MAN1A1: variants seen among roughly 807,000 people sequenced by gnomAD.
The protein encoded by MAN1A1 is mannosyl-oligosaccharide 1,2-alpha-mannosidase IA.
Under a neutral mutation model 70.8 loss-of-function variants are expected in MAN1A1, and 29 were observed. The ratio of observed to expected loss-of-function variants is 0.41; its 90% CI spans 0.31 to 0.56. The LOEUF (loss-of-function observed/expected upper bound fraction) is 0.56, where lower values mean the gene tolerates loss of function less well. MAN1A1 is among the 20% of genes least tolerant of loss of function. The probability of loss-of-function intolerance (pLI) is 0.29; values close to 1 mark genes in which losing one functional copy is unlikely to be tolerated. For missense variants in MAN1A1, 747 were observed against 841.3 expected, an observed-to-expected ratio of 0.89 and a Z score of 1.39; for synonymous variants, 349 against 330.1, an observed-to-expected ratio of 1.06 and a Z score of -0.62.
rs1467457108 is a variant in MAN1A1, at chr6:119,177,773, C to A, written c.*2046G>T. The A allele has an allele frequency of 6.6e-6, 1 of 151,988 alleles. No individual in the cohort carries two copies. Among genetic ancestry groups the A allele is most frequent in the Non-Finnish European group, 1.5e-5 (1 of 67,916 alleles). 9.4% of individuals were successfully genotyped at this position (151,988 alleles called of 1,614,324 possible). A position where few individuals can be genotyped will look rare whatever the true frequency, so the allele number is the denominator to read the frequency against. On this transcript the variant is annotated 3_prime_UTR_variant, in exon 13 of 13. Transcript: ENST00000368468. ...TAGTACAGCTTCTTGTCTATTCACA[C>A]CAGGACACCAAGGTACCTCATAGTG...
At chr6:119,311,235 T>C (rs892621376) in intron 2 of MAN1A1, among the ~76,000 whole-genome samples, 1 of 152,262 alleles carries the variant, frequency 6.6e-6, no homozygotes, top group African/African-American at 2.4e-5. Context: ...AACCTAAGAA[T>C]GTCTGTGATC....
intron 2 of MAN1A1, among the ~76,000 whole-genome samples, chr6:119,341,589 G>C (rs195083): frequency 0.55 from 82,953 of 151,918 alleles, 22,907 homozygotes; most frequent in Admixed American, 0.59. Context: ...CAATGTGAAG[G>C]TCTCAAAAAG....
At chr6:119,251,195 T>A (rs920063500) in intron 5 of MAN1A1, among the ~76,000 whole-genome samples, 5 of 152,228 alleles carry the variant, frequency 3.3e-5, no homozygotes, top group African/African-American at 1.2e-4. Flanking sequence ...TCCATTAATC[T>A]GTATTTACGT....
At chr6:119,189,917 A>G in intron 9 of MAN1A1, 34 bp from the exon 10 acceptor site, 1 of 1,501,972 alleles carries the variant, frequency 6.7e-7, no homozygotes, top group African/African-American at 1.4e-5. Flanking sequence ...ACATTTTGTA[A>G]TCTCTTCTCA....
At chr6:119,247,937 A>ATTTG (rs1361538873) in intron 6 of MAN1A1, among the ~76,000 whole-genome samples, 2 of 152,252 alleles carry the variant, frequency 1.3e-5, no homozygotes, top group Non-Finnish European at 2.9e-5. Flanking sequence ...CTTTGATGAC[A>ATTTG]ATTAAAAGAT....
rs551333576 is a variant in MAN1A1 at position 119,267,268 on chromosome 6, A to G, written c.898-18914T>C. ...TAACGAACTGAAAATTTATGACCAT[A>G]CAAAAAACTGGACAGATGTTTACAG... is the stretch of plus-strand genomic sequence containing the variant. On this transcript the variant is annotated intron_variant, in intron 5 of 12. Coordinates refer to ENST00000368468, the MANE Select transcript of MAN1A1 (RefSeq NM_005907.4). Among the ~76,000 whole-genome samples the G allele has an allele frequency of 5.3e-5, 8 of 152,344 alleles. No individual in the cohort carries two copies. In the South Asian group the frequency reaches 1.7e-3, roughly 32 times the overall value.
intron 6 of MAN1A1, among the ~76,000 whole-genome samples, chr6:119,228,603 AT>A (rs760587170): frequency 1.4e-4 from 21 of 151,842 alleles, no homozygotes; most frequent in African/African-American, 4.6e-4. Context: ...TTAGAAAACT[AT>A]TTTTTTTAAA....
chr6:119,340,732 C>T (rs1562249094), intron 2 of MAN1A1, among the ~76,000 whole-genome samples: 1 of 152,192 alleles, frequency 6.6e-6, no homozygotes, highest in Non-Finnish European at 1.5e-5. Context: ...TGCCCTCTCT[C>T]ATACTAAGTT....
At chr6:119,216,490 G>A (rs1244958725) in intron 6 of MAN1A1, among the ~76,000 whole-genome samples, 1 of 152,188 alleles carries the variant, frequency 6.6e-6, no homozygotes, top group African/African-American at 2.4e-5. Flanking sequence ...AGCTGGGTAA[G>A]TACTGATAGC....
At chr6:119,183,765 G>A (rs1286745382) in intron 11 of MAN1A1, among the ~76,000 whole-genome samples, 1 of 152,024 alleles carries the variant, frequency 6.6e-6, no homozygotes, top group Non-Finnish European at 1.5e-5. Context: ...AGTCCTCTTG[G>A]GGTAAGCTAT....
In MAN1A1 at chr6:119,331,570, C is replaced by CATATATATATATATATAT. The variant is rs10562938; in HGVS notation, c.603+16875_603+16892dup. On this transcript the variant is annotated intron_variant, in intron 2 of 12. Transcript: ENST00000368468. The stretch of plus-strand genomic sequence containing the variant: ...CGCACATAACCATGTACATATTATG[C>CATATATATATATATATAT]ATATATATATATATATATATATATA... Among the ~76,000 whole-genome samples the CATATATATATATATATAT allele has an allele frequency of 2.2e-3, 256 of 117,892 alleles. 2 individuals are homozygous for CATATATATATATATATAT. Among genetic ancestry groups the CATATATATATATATATAT allele is most frequent in the Non-Finnish European group, 3.0e-3 (170 of 56,428 alleles). The allele number at this position is 117,892 out of a possible 152,430, so 77.3% of individuals were successfully genotyped here. A position where few individuals can be genotyped will look rare whatever the true frequency, so the allele number is the denominator to read the frequency against.
At chr6:119,350,399 C>T (rs1562253684), upstream of MAN1A1, 1 of 309,412 alleles carries the variant, frequency 3.2e-6, no homozygotes, top group East Asian at 1.7e-4. Flanking sequence ...CCTTTTACAT[C>T]CTAAGAGACA....
chr6:119,207,257 C>G (rs915523483), intron 6 of MAN1A1, among the ~76,000 whole-genome samples: 2 of 151,982 alleles, frequency 1.3e-5, no homozygotes, highest in African/African-American at 2.4e-5. Context: ...CCCCCAACCC[C>G]CAACCACGGA....
At chr6:119,194,503 T>G (rs1416752592) in intron 8 of MAN1A1, among the ~76,000 whole-genome samples, 1 of 152,154 alleles carries the variant, frequency 6.6e-6, no homozygotes, top group Non-Finnish European at 1.5e-5. Context: ...TTTAAATTTT[T>G]TGTAGAGACG....
intron 2 of MAN1A1, among the ~76,000 whole-genome samples, chr6:119,340,503 A>C (rs940579145): frequency 6.6e-6 from 1 of 152,186 alleles, no homozygotes; most frequent in African/African-American, 2.4e-5. Context: ...GACACTAGCA[A>C]TAGCTTGTAG....
rs547051256 is a variant in MAN1A1, at chr6:119,252,510, G to A, written c.898-4156C>T. The stretch of plus-strand genomic sequence containing the variant: ...GTGCAGTCTTGATTCAAGAAGTTTT[G>A]TGGCTGGGCACGGGGGCTCATGCCT... On this transcript the variant is annotated intron_variant, in intron 5 of 12. Transcript: ENST00000368468. Among the ~76,000 whole-genome samples the A allele has an allele frequency of 4.7e-4, 71 of 152,240 alleles. 1 individual carries two copies. Among genetic ancestry groups the A allele is most frequent in the African/African-American group, 1.6e-3 (68 of 41,548 alleles).
At chr6:119,186,861 T>G (rs1773306089) in intron 11 of MAN1A1, among the ~76,000 whole-genome samples, 1 of 152,170 alleles carries the variant, frequency 6.6e-6, no homozygotes, top group African/African-American at 2.4e-5. Flanking sequence ...CCTACAGCAC[T>G]CCTGGCTCAC....
chr6:119,209,147 T>A (rs912259843), intron 6 of MAN1A1, among the ~76,000 whole-genome samples: 1 of 148,500 alleles, frequency 6.7e-6, no homozygotes, highest in African/African-American at 2.5e-5. Context: ...ACAATTTGGA[T>A]CATTAACAAA....
chr6:119,196,668 G>A (rs1773577501), intron 8 of MAN1A1, among the ~76,000 whole-genome samples: 1 of 152,108 alleles, frequency 6.6e-6, no homozygotes, highest in African/African-American at 2.4e-5. Context: ...CTAAAAAAGA[G>A]AAAAAGCAAG....
Sources: gnomAD v4.1 joint callset for allele counts (sites outside exome capture counted in the v4.1 genomes callset) on GRCh38, gnomAD v4.1.1 for gene constraint, MANE v1.5 for transcripts, NCBI Gene and HGNC (gene_info 2026-07-23, HGNC 2026-07-21) for gene names.